The following ZNF888 variants were observed in gnomAD, a reference collection of about 807,000 sequenced individuals.
ZNF888 encodes CTD-2331H12.6.
Under a neutral mutation model 7.2 loss-of-function variants are expected in ZNF888, and 5 were observed. That is an observed-to-expected ratio of 0.70 (90% CI 0.36 to 1.46). The LOEUF (loss-of-function observed/expected upper bound fraction) is 1.46. Ranked by LOEUF, ZNF888 falls within the 40% of genes most tolerant of loss-of-function variation. The pLI, the probability that ZNF888 is intolerant of heterozygous loss-of-function variation, is 0.03. For missense variants in ZNF888, 716 were observed against 858.0 expected (o/e 0.83, Z 2.07); for synonymous variants, 240 against 284.3 (o/e 0.84, Z 1.57).
intron 1 of ZNF888, chr19:52,921,668 C>T: frequency 2.0e-6 from 2 of 984,872 alleles, no homozygotes; most frequent in East Asian, 2.3e-4. Flanking sequence ...AAACACACAG[C>T]TATTGACCTT....
chr19:52,916,627 T>TATATATATATATATATATATAC (rs1431267956), intron 3 of ZNF888, among the ~76,000 whole-genome samples: 3 of 142,144 alleles, frequency 2.1e-5, no homozygotes, highest in African/African-American at 8.4e-5. Flanking sequence ...TATATATATA[T>TATATATATATATATATATATAC]ATATATATAT....
chr19:52,906,448 C>A lies in ZNF888; in HGVS notation c.1874G>T (p.Arg625Met). ...FNIKSHLEIH[R>M]RVHTGEKPYK... ...TGGTTTCTCTCCAGTATGAACTCTCCTATGTATTTCAAGGTGTGATTTGAT... is the reference window on the plus strand; with the variant it reads ...TGGTTTCTCTCCAGTATGAACTCTCATATGTATTTCAAGGTGTGATTTGAT... The change falls in exon 5 of 5, where the codon AGG (arginine) becomes ATG (methionine). Residue 625 changes from arginine to methionine, a missense_variant. Arg to Met is a moderately conservative substitution (Grantham distance 91, BLOSUM62 -1). This residue lies in a region of ZNF888 where 697 missense variants were observed against 803.4 expected (regional missense o/e 0.87). Coordinates refer to ENST00000638862, the MANE Select transcript of ZNF888 (RefSeq NM_001393938.1). The A allele has an allele frequency of 1.2e-6, 2 of 1,612,830 alleles. No homozygotes were observed. The highest frequency in any genetic ancestry group is 1.7e-6 in the Non-Finnish European group (2 of 1,179,454).
chr19:52,906,881 G>T lies in ZNF888; in HGVS notation c.1441C>A (p.Leu481Ile). ...GTGTGAATTCTCCTATGTCTTTCAAGGTGTGATTTGCGACTGAAAACTTTG... is the reference window on the plus strand; with the variant it reads ...GTGTGAATTCTCCTATGTCTTTCAATGTGTGATTTGCGACTGAAAACTTTG... Reference protein sequence around the residue: ...CDKVFSRKSHLERHRRIHTGE... With the variant: ...CDKVFSRKSHIERHRRIHTGE... Residue 481 changes from leucine (L) to isoleucine (I), a missense_variant, in exon 5 of 5, where the codon CTT becomes ATT. Leu to Ile is a conservative substitution (Grantham distance 5). Coordinates refer to ENST00000638862, the MANE Select transcript of ZNF888 (RefSeq NM_001393938.1). 6.2e-7 allele frequency: 1 copy of T among 1,612,288 alleles called. No homozygotes were observed. Among genetic ancestry groups the T allele is most frequent in the Non-Finnish European group, 8.5e-7 (1 of 1,179,626 alleles).
At position 52,907,635 on chromosome 19, in the gene ZNF888, A is replaced by T; in HGVS notation, c.687T>A (p.Phe229Leu). 2.5e-6 allele frequency: 4 copies of T among 1,603,098 alleles called. No individual in the cohort carries two copies. The highest frequency in any genetic ancestry group is 1.7e-6 in the Non-Finnish European group (2 of 1,176,054). The part of the protein sequence containing the change: ...SGKSFNCSSL[F>L]KKHQIIHLGE... Reference sequence around the variant, plus strand: ...CTAGATGAATTATCTGATGTTTTTTAAAGAGTGAGCTACAATTAAAGGATT... The same window carrying T: ...CTAGATGAATTATCTGATGTTTTTTTAAGAGTGAGCTACAATTAAAGGATT... The change falls in exon 5 of 5, where the codon TTT (phenylalanine) becomes TTA (leucine). Residue 229 changes from phenylalanine to leucine, a missense_variant. Around this residue, in one of 2 missense-constraint regions of ZNF888, gnomAD observed 697 missense variants for 803.4 expected, o/e 0.87. Transcript: ENST00000638862.
At chr19:52,918,218 G>A (rs1040360582) in intron 2 of ZNF888, 27 of 985,244 alleles carry the variant, frequency 2.7e-5, no homozygotes, top group African/African-American at 3.5e-5. Context: ...GGCTGGGTGC[G>A]GTGGCTCATG....
In ZNF888 at chr19:52,919,309, G is replaced by A. The variant is rs1208797017; in HGVS notation, c.-177-372C>T. 1.3e-4 allele frequency among the ~76,000 whole-genome samples: 8 copies of A among 60,946 alleles called. 3 individuals are homozygous for A. The highest frequency in any genetic ancestry group is 1.9e-4 in the Non-Finnish European group (5 of 25,914). The allele number at this position is 60,946 out of a possible 152,430, so 40.0% of individuals were successfully genotyped here. A position where few individuals can be genotyped will look rare whatever the true frequency, so the allele number is the denominator to read the frequency against. ...CAGCCTGCCGAGCGCCTGCGATTGC[G>A]GGCGCGCGCCGCCACGCCTGACTGG... is the stretch of plus-strand genomic sequence containing the variant. On this transcript the variant is annotated intron_variant, in intron 1 of 4. Transcript: ENST00000638862.
At chr19:52,917,756 C>T (rs1226489695) in intron 3 of ZNF888, 103 bp downstream of exon 3, 7 of 1,586,150 alleles carry the variant, frequency 4.4e-6, no homozygotes, top group African/African-American at 1.3e-5. Flanking sequence ...GTGAGCAAAC[C>T]TGTCACGCAG....
chr19:52,915,526 G>A (rs2064735878), intron 3 of ZNF888, among the ~76,000 whole-genome samples: 1 of 75,744 alleles, frequency 1.3e-5, no homozygotes, highest in African/African-American at 5.9e-5. Context: ...CCAGGCTGGA[G>A]TGCAGTGGCA....
At chr19:52,916,447 T>G (rs1015937270) in intron 3 of ZNF888, among the ~76,000 whole-genome samples, 1 of 151,954 alleles carries the variant, frequency 6.6e-6, no homozygotes, top group Non-Finnish European at 1.5e-5. Context: ...TCCCAGATTT[T>G]CAAAATATAA....
intron 4 of ZNF888, among the ~76,000 whole-genome samples, chr19:52,914,096 G>A (rs111883580): frequency 6.6e-6 from 1 of 152,224 alleles, no homozygotes; most frequent in Non-Finnish European, 1.5e-5. Context: ...CTGCACTGTA[G>A]CCTTGGCGAC....
chr19:52,918,037 G>A, intron 2 of ZNF888, 106 bp from the exon 3 acceptor site: 1 of 1,474,418 alleles, frequency 6.8e-7, no homozygotes, highest in Non-Finnish European at 9.0e-7. Context: ...CCTCACCCTG[G>A]GAAATATGGT....
chr19:52,917,523 G>C lies in ZNF888; in HGVS notation c.15+336C>G, dbSNP rs1173711309. 11 of 658,854 alleles carry C rather than the reference G, an allele frequency of 1.7e-5. No individual in the cohort carries two copies. The East Asian group carries it at 3.0e-4, about 18-fold the overall frequency. 40.8% of individuals were successfully genotyped at this position (658,854 alleles called of 1,614,324 possible). On this transcript the variant is annotated intron_variant, in intron 3 of 4. Transcript: ENST00000638862. ...TTCCATTGGCAGCTACTCTAATCTT[G>C]GTCCACAGAAAACTGACAGTGCATC... is the stretch of plus-strand genomic sequence containing the variant.
At chr19:52,917,997 C>T in intron 2 of ZNF888, 66 bp from the exon 3 acceptor site, 1 of 1,564,024 alleles carries the variant, frequency 6.4e-7, no homozygotes, top group East Asian at 2.3e-5. Context: ...ATACCCCCTC[C>T]CTGTAAAACA....
chr19:52,906,252 G>A lies in ZNF888; in HGVS notation c.2070C>T (p.Phe690=), dbSNP rs1017793567. The change falls in exon 5 of 5, where the codon TTC becomes TTT. Residue 690 remains phenylalanine (F), a synonymous_variant. Coordinates refer to ENST00000638862, the MANE Select transcript of ZNF888 (RefSeq NM_001393938.1). ...AGGCTTTGCCACACTCACTACACTT[G>A]AAAGGTTTCTCTCCAGTATGAATTC... ...HTRIHTGEKP[F]KCSECGKAFR... is the part of the protein sequence containing the mutation. 2 of 1,611,500 alleles carry A rather than the reference G, an allele frequency of 1.2e-6. No homozygotes were observed. The highest frequency in any genetic ancestry group is 1.7e-6 in the Non-Finnish European group (2 of 1,178,538).
Position 52,919,174 on chromosome 19 carries a change from GCTCTCC to G in ZNF888, c.-177-243_-177-238del, listed in dbSNP as rs752116158. On this transcript the variant is annotated intron_variant, in intron 1 of 4. Transcript: ENST00000638862. ...TCTCCCTCTCCCTCTCCCTCCTCTC[GCTCTCC>G]CTCTCCCTCTCCCTCCACGGTCTCC... 6.1e-4 allele frequency among the ~76,000 whole-genome samples: 2 copies of G among 3,282 alleles called. 1 individual carries two copies. Among genetic ancestry groups the G allele is most frequent in the Middle Eastern group, 0.33 (2 of 6 alleles). 2.2% of individuals were successfully genotyped at this position (3,282 alleles called of 152,430 possible).
At chr19:52,910,238 G>A (rs2147926078) in intron 4 of ZNF888, among the ~76,000 whole-genome samples, 1 of 151,374 alleles carries the variant, frequency 6.6e-6, no homozygotes, top group Non-Finnish European at 1.5e-5. Flanking sequence ...TTTGGAGGCT[G>A]AGGCAGGTGG....
intron 2 of ZNF888, among the ~76,000 whole-genome samples, chr19:52,918,425 G>C (rs1025805010): frequency 2.0e-5 from 3 of 152,180 alleles, no homozygotes; most frequent in South Asian, 2.1e-4. Context: ...CTTGAGGTCA[G>C]GAGTTTGAGA....
At chr19:52,911,544 C>T (rs568406292) in intron 4 of ZNF888, among the ~76,000 whole-genome samples, 161 of 151,354 alleles carry the variant, frequency 1.1e-3, no homozygotes, top group Admixed American at 2.0e-3. Flanking sequence ...TTCACCATGT[C>T]AGCCAGGATG....
At chr19:52,921,688 G>T in intron 1 of ZNF888, 4 of 983,200 alleles carry the variant, frequency 4.1e-6, no homozygotes, top group Non-Finnish European at 4.8e-6. Context: ...TGAAAATAGG[G>T]AGGCCGAGGT....
Sources: allele counts gnomAD v4.1 joint callset (sites outside exome capture counted in the v4.1 genomes callset), GRCh38; gene constraint gnomAD v4.1.1; regional missense constraint gnomAD v4.1.1; transcripts MANE v1.5; gene names NCBI Gene and HGNC (gene_info 2026-07-23, HGNC 2026-07-21).